The following TPM3 variants were observed in gnomAD, a reference collection of about 807,000 sequenced individuals.
TPM3 encodes the protein tropomyosin 3, also known as tropomyosin alpha-3 chain.
In TPM3, 16 loss-of-function variants were observed where a neutral mutation model predicts 43.1. The ratio of observed to expected loss-of-function variants is 0.37; its 90% CI spans 0.25 to 0.56. The LOEUF (loss-of-function observed/expected upper bound fraction) is 0.56, where lower values mean the gene tolerates loss of function less well. Among genes scored for constraint, TPM3 ranks in the 20% least tolerant of loss-of-function variants. TPM3 has a pLI of 0.77. For synonymous variants in TPM3, 101 were observed against 116.9 expected, an observed-to-expected ratio of 0.86 and a Z score of 0.88; for missense variants, 176 against 337.2, an observed-to-expected ratio of 0.52 and a Z score of 3.74.
chr1:154,157,123 C>G, downstream of TPM3: 2 of 227,868 alleles, frequency 8.8e-6, no homozygotes, highest in Non-Finnish European at 1.7e-5. Context: ...TTAGCTAGTA[C>G]TTTGTACAGA....
At position 154,167,458 on chromosome 1, in the gene TPM3, G is replaced by C; in HGVS notation, c.*479C>G. The C allele has an allele frequency of 9.3e-7, 1 of 1,078,592 alleles. No individual in the cohort carries two copies. The highest frequency in any genetic ancestry group is 1.1e-6 in the Non-Finnish European group (1 of 886,176). The allele number at this position is 1,078,592 out of a possible 1,614,324, so 66.8% of individuals were successfully genotyped here. A position where few individuals can be genotyped will look rare whatever the true frequency, so the allele number is the denominator to read the frequency against. On this transcript the variant is annotated 3_prime_UTR_variant, in exon 10 of 10. Transcript: ENST00000651641. The stretch of plus-strand genomic sequence containing the variant: ...CTGAAGAGAGAATGGAAACACTGCA[G>C]GCAGGATGATTTAAGAACCTGGAAA...
At position 154,167,118 on chromosome 1, in the gene TPM3, T is replaced by G. The variant is rs192234726; in HGVS notation, c.*819A>C. ...TATTTGAAATATGCATGATTGGTCA[T>G]TTTAGTTTTCCCAATAATAATTTAT... On this transcript the variant is annotated 3_prime_UTR_variant, in exon 10 of 10. Coordinates refer to ENST00000651641, the MANE Select transcript of TPM3 (RefSeq NM_152263.4). 2.6e-5 allele frequency among the ~76,000 whole-genome samples: 4 copies of G among 152,382 alleles called. No homozygotes were observed. In the East Asian group the frequency reaches 7.7e-4, roughly 29 times the overall value.
chr1:154,182,867 A>C, intron 2 of TPM3: 2 of 1,504,186 alleles, frequency 1.3e-6, no homozygotes, highest in Non-Finnish European at 1.8e-6. Context: ...CCGAGATCCC[A>C]ACTTCATCTC....
intron 2 of TPM3, among the ~76,000 whole-genome samples, chr1:154,185,201 G>A (rs956270823): frequency 5.3e-5 from 8 of 151,192 alleles, no homozygotes; most frequent in African/African-American, 9.8e-5. Context: ...GCAAAACCCC[G>A]TCTCTACTAA....
chr1:154,166,448 G>T lies in TPM3; in HGVS notation c.*1489C>A. On this transcript the variant is annotated 3_prime_UTR_variant, in exon 10 of 10. Transcript: ENST00000651641. ...CAAATTTAGTGAGGACATCTGACCTGCATAGCACACTACAGTGCAGAACTC... is the reference window on the plus strand; with the variant it reads ...CAAATTTAGTGAGGACATCTGACCTTCATAGCACACTACAGTGCAGAACTC... The T allele has an allele frequency of 1.2e-6, 1 of 827,936 alleles. No homozygotes were observed. Among genetic ancestry groups the T allele is most frequent in the Non-Finnish European group, 1.5e-6 (1 of 664,922 alleles). 51.3% of individuals were successfully genotyped at this position (827,936 alleles called of 1,614,324 possible).
intron 2 of TPM3, among the ~76,000 whole-genome samples, chr1:154,189,116 A>G (rs1663551701): frequency 8.7e-6 from 1 of 114,712 alleles, no homozygotes; most frequent in Admixed American, 1.2e-4. Context: ...TTGGTGATAG[A>G]ACAAGACTCT....
intron 2 of TPM3, chr1:154,183,919 G>A (rs967403699): frequency 2.7e-5 from 4 of 149,256 alleles, no homozygotes; most frequent in East Asian, 2.0e-4. Flanking sequence ...TGCGGCAGTG[G>A]CGAGATCACA....
Position 154,175,069 on chromosome 1 carries a change from C to A in TPM3, c.377+1046G>T, listed in dbSNP as rs1052837344. ...GGGGAAGGCCGGGCGCAGTGGCTCA[C>A]GCCTGTAATCCCAGCACACTGGGAG... On this transcript the variant is annotated intron_variant, in intron 3 of 9. Transcript: ENST00000651641. Among the ~76,000 whole-genome samples, 7 of 152,114 alleles carry A rather than the reference C, an allele frequency of 4.6e-5. No individual in the cohort carries two copies. In the South Asian group the frequency reaches 1.5e-3, roughly 32 times the overall value.
downstream of TPM3, among the ~76,000 whole-genome samples, chr1:154,161,030 C>T (rs1407015848): frequency 1.3e-5 from 2 of 151,330 alleles, no homozygotes; most frequent in African/African-American, 2.4e-5. Context: ...CTTGCTTCAG[C>T]CTCCTGAGTA....
At chr1:154,189,609 T>C (rs1455868832) in intron 2 of TPM3, among the ~76,000 whole-genome samples, 1 of 151,774 alleles carries the variant, frequency 6.6e-6, no homozygotes. Flanking sequence ...GCCTGACCAA[T>C]ATGATGAAAC....
intron 2 of TPM3, among the ~76,000 whole-genome samples, chr1:154,176,984 A>G (rs1401563319): frequency 6.6e-6 from 1 of 151,918 alleles, no homozygotes; most frequent in East Asian, 1.9e-4. Context: ...ATTTCAAAAA[A>G]AAAAAAAAAA....
intron 2 of TPM3, among the ~76,000 whole-genome samples, chr1:154,190,019 GC>G (rs1183400816): frequency 6.6e-6 from 1 of 151,982 alleles, no homozygotes; most frequent in Non-Finnish European, 1.5e-5. Context: ...TCGGCTCCAT[GC>G]AGCCTCCGCC....
At chr1:154,159,917 A>G (rs1660173611), downstream of TPM3, among the ~76,000 whole-genome samples, 1 of 149,036 alleles carries the variant, frequency 6.7e-6, no homozygotes, top group South Asian at 2.1e-4. Flanking sequence ...AACAGGCCAC[A>G]GTTGCTCATG....
intron 2 of TPM3, among the ~76,000 whole-genome samples, chr1:154,181,791 G>A (rs906661886): frequency 1.3e-5 from 2 of 152,020 alleles, no homozygotes; most frequent in Non-Finnish European, 1.5e-5. Flanking sequence ...CTTGGTGGCG[G>A]GCACCTGTAA....
chr1:154,176,750 C>T (rs375003847), intron 2 of TPM3, among the ~76,000 whole-genome samples: 170 of 149,938 alleles, frequency 1.1e-3, no homozygotes, highest in African/African-American at 3.9e-3. Context: ...GAGGCTGGGG[C>T]GGGTGGATCA....
intron 1 of TPM3, chr1:154,191,583 T>C (rs1394253317): frequency 2.2e-6 from 3 of 1,369,640 alleles, no homozygotes; most frequent in Admixed American, 5.7e-5. Context: ...ATGCCCGTGA[T>C]GCTATTTGAG....
chr1:154,187,531 A>G lies in TPM3; in HGVS notation c.243+3655T>C, dbSNP rs1663461383. The G allele has an allele frequency of 2.5e-5, 25 of 984,078 alleles. No individual in the cohort carries two copies. In the Middle Eastern group the frequency reaches 1.6e-3, roughly 62 times the overall value. 61.0% of individuals were successfully genotyped at this position (984,078 alleles called of 1,614,324 possible). ...TTTGGTGGATTCCTATGTAAATATG[A>G]AGAAACTTCTTTCAAATGAATATAC... On this transcript the variant is annotated intron_variant, in intron 2 of 9. Transcript: ENST00000651641.
chr1:154,178,759 T>C (rs1325148488), intron 2 of TPM3, among the ~76,000 whole-genome samples: 1 of 152,174 alleles, frequency 6.6e-6, no homozygotes, highest in Non-Finnish European at 1.5e-5. Context: ...GGTTTTGGTG[T>C]TTCAGCTGAC....
chr1:154,158,968 A>G (rs753268409), downstream of TPM3: 12 of 780,562 alleles, frequency 1.5e-5, no homozygotes, highest in South Asian at 1.5e-4. Flanking sequence ...AGCCCTGCCC[A>G]TCAGTCACAC....
Sources: gnomAD v4.1 joint callset for allele counts (sites outside exome capture counted in the v4.1 genomes callset) on GRCh38, gnomAD v4.1.1 for gene constraint, MANE v1.5 for transcripts, NCBI Gene and HGNC (gene_info 2026-07-23, HGNC 2026-07-21) for gene names.